Variants in PRKDC observed in about 807,000 individuals in gnomAD.
PRKDC encodes DNA-dependent protein kinase catalytic subunit.
In PRKDC, 82 loss-of-function variants were observed where a neutral mutation model predicts 486.9. The ratio of observed to expected loss-of-function variants is 0.17; its 90% CI spans 0.14 to 0.20. The LOEUF (loss-of-function observed/expected upper bound fraction) is 0.20. Among genes scored for constraint, PRKDC ranks in the 10% least tolerant of loss-of-function variants. The pLI is 1.00. For synonymous variants in PRKDC, 1,895 were observed against 1,837.0 expected, an observed-to-expected ratio of 1.03 and a Z score of -0.81; for missense variants, 4,504 against 5,038.2, an observed-to-expected ratio of 0.89 and a Z score of 3.21.
intron 58 of PRKDC, among the ~76,000 whole-genome samples, chr8:47,835,604 G>C (rs1462357852): frequency 9.5e-6 from 1 of 105,634 alleles, no homozygotes; most frequent in Admixed American, 1.5e-4. Flanking sequence ...CCTGGTGACA[G>C]AGCAGGACTC....
chr8:47,854,014 C>T, intron 51 of PRKDC, 69 bp downstream of exon 51: 1 of 1,565,030 alleles, frequency 6.4e-7, no homozygotes, highest in Non-Finnish European at 8.7e-7. Context: ...ATCAAAACTG[C>T]ACCATACTGA....
chr8:47,887,664 G>A lies in PRKDC; in HGVS notation c.4455C>T (p.Ser1485=), dbSNP rs906315600. 2.5e-6 allele frequency: 4 copies of A among 1,610,154 alleles called. No homozygotes were observed. The highest frequency in any genetic ancestry group is 3.4e-6 in the Non-Finnish European group (4 of 1,178,364). The change falls in exon 35 of 86, where the codon TCC becomes TCT. Residue 1485 remains serine (S), a synonymous_variant. Transcript: ENST00000314191. ...LHHSVGTELL[S]LVYKGIAPGD... ...CAGGGGCAATGCCTTTATAAACCAG[G>A]GAAAGAAGTTCTGTGCCAACAGAAT... is the stretch of plus-strand genomic sequence containing the variant.
intron 19 of PRKDC, among the ~76,000 whole-genome samples, chr8:47,928,865 T>C (rs988851069): frequency 2.0e-5 from 3 of 152,128 alleles, no homozygotes; most frequent in African/African-American, 7.2e-5. Context: ...CTAATTTTTG[T>C]ATTTTTAGTA....
intron 36 of PRKDC, among the ~76,000 whole-genome samples, chr8:47,883,322 T>C (rs1003629217): frequency 6.6e-6 from 1 of 152,226 alleles, no homozygotes; most frequent in African/African-American, 2.4e-5. Flanking sequence ...CTGCTTTTTC[T>C]CCAGTGGAAA....
chr8:47,914,109 T>C lies in PRKDC; in HGVS notation c.2618-45A>G, dbSNP rs774355184. The C allele has an allele frequency of 2.2e-6, 3 of 1,374,840 alleles. No homozygotes were observed. In the African/African-American group the frequency reaches 4.4e-5, roughly 20 times the overall value. The allele number at this position is 1,374,840 out of a possible 1,614,324, so 85.2% of individuals were successfully genotyped here. A position where few individuals can be genotyped will look rare whatever the true frequency, so the allele number is the denominator to read the frequency against. ...AAGAATGAAACACTTTTTTTCTTTT[T>C]ATTAGTGTCAGAATTATTCACAAAT... On this transcript the variant is annotated intron_variant, in intron 23 of 85. Coordinates refer to ENST00000314191, the MANE Select transcript of PRKDC (RefSeq NM_006904.7).
rs8178084 is a variant in PRKDC, at chr8:47,898,339, G to T, written c.3464+131C>A. ...ACGTTTTTGGAAAACGAACTCTTCA[G>T]ACTTCCACACATTCCTTGTTTAGGA... On this transcript the variant is annotated intron_variant, in intron 29 of 85. Coordinates refer to ENST00000314191, the MANE Select transcript of PRKDC (RefSeq NM_006904.7). 6.9e-3 allele frequency: 5,004 copies of T among 721,328 alleles called. 77 individuals are homozygous for T. Among genetic ancestry groups the T allele is most frequent in the African/African-American group, 0.04 (2,239 of 56,456 alleles). 44.7% of individuals were successfully genotyped at this position (721,328 alleles called of 1,614,324 possible). A position where few individuals can be genotyped will look rare whatever the true frequency, so the allele number is the denominator to read the frequency against.
intron 20 of PRKDC, 126 bp downstream of exon 20, chr8:47,927,645 C>A (rs1056773294): frequency 7.9e-7 from 1 of 1,259,986 alleles, no homozygotes; most frequent in Non-Finnish European, 1.1e-6. Context: ...CAGAAGCAGA[C>A]CCTGACCCGG....
At chr8:47,803,548 G>A in intron 69 of PRKDC, 68 bp from the exon 70 acceptor site, 1 of 1,470,460 alleles carries the variant, frequency 6.8e-7, no homozygotes, top group Non-Finnish European at 9.5e-7. Flanking sequence ...TTTCTAATTG[G>A]CCTGCTTCCC....
intron 63 of PRKDC, among the ~76,000 whole-genome samples, chr8:47,825,551 A>G (rs1009974899): frequency 2.6e-5 from 4 of 151,562 alleles, no homozygotes; most frequent in Non-Finnish European, 5.9e-5. Flanking sequence ...TATGTTCACA[A>G]TGCTCTGCAA....
At position 47,943,222 on chromosome 8, in the gene PRKDC, G is replaced by C. The variant is rs1347505951; in HGVS notation, c.953C>G (p.Ser318Cys). 4 of 1,612,054 alleles carry C rather than the reference G, an allele frequency of 2.5e-6. No homozygotes were observed. The East Asian group carries it at 6.7e-5, about 27-fold the overall frequency. ...LKKAALSALE[S>C]FLKQVSNMVA... ...AATTTGTGGTACCTGTTTCAGAAAG[G>C]ATTCCAGGGCTGAAAGTGCAGCTTT... Residue 318 changes from serine to cysteine, a missense_variant, in exon 10 of 86, where the codon TCC (serine) becomes TGC (cysteine). Transcript: ENST00000314191.
At chr8:47,892,019 G>A (rs897948406) in intron 31 of PRKDC, among the ~76,000 whole-genome samples, 1 of 151,932 alleles carries the variant, frequency 6.6e-6, no homozygotes, top group Non-Finnish European at 1.5e-5. Flanking sequence ...ACAGGGACCT[G>A]CCACCATGCC....
At chr8:47,830,818 AT>A in intron 60 of PRKDC, 82 bp from the exon 61 acceptor site, 2 of 1,569,928 alleles carry the variant, frequency 1.3e-6, no homozygotes, top group Non-Finnish European at 1.7e-6. Context: ...GGCTGCCAGG[AT>A]CCCCTGAACC....
At position 47,794,317 on chromosome 8, in the gene PRKDC, C is replaced by T; in HGVS notation, c.10643G>A (p.Gly3548Asp). The T allele has an allele frequency of 6.2e-7, 1 of 1,612,958 alleles. No individual in the cohort carries two copies. The highest frequency in any genetic ancestry group is 8.5e-7 in the Non-Finnish European group (1 of 1,179,346). ...ESYSFKDTST[G>D]HKNKEFVARI... Reference sequence around the variant, plus strand: ...TGCCACAAACTCCTTATTCTTATGACCAGTAGAAGTATCCTTGAAGGAATA... The same window carrying T: ...TGCCACAAACTCCTTATTCTTATGATCAGTAGAAGTATCCTTGAAGGAATA... The change falls in exon 74 of 86, where the codon GGT becomes GAT. Residue 3548 changes from glycine to aspartate, a missense_variant. Transcript: ENST00000314191.
At chr8:47,804,700 T>C (rs187416912) in intron 69 of PRKDC, among the ~76,000 whole-genome samples, 2 of 152,298 alleles carry the variant, frequency 1.3e-5, no homozygotes, top group African/African-American at 4.8e-5. Context: ...AGCTTAAGCT[T>C]TTGTTTCTCA....
chr8:47,838,004 C>T lies in PRKDC; in HGVS notation c.7554-585G>A, dbSNP rs2088064802. On this transcript the variant is annotated intron_variant, in intron 56 of 85. Coordinates refer to ENST00000314191, the MANE Select transcript of PRKDC (RefSeq NM_006904.7). Reference sequence around the variant, plus strand: ...TACAAAAATTAGCTGGGCATGGTGGCACCCACCTGTAGTCCCAGCTACTCG... The same window carrying T: ...TACAAAAATTAGCTGGGCATGGTGGTACCCACCTGTAGTCCCAGCTACTCG... Among the ~76,000 whole-genome samples the T allele has an allele frequency of 2.0e-5, 3 of 152,004 alleles. No individual in the cohort carries two copies. In the South Asian group the frequency reaches 6.2e-4, roughly 32 times the overall value.
rs185289538 is a variant in PRKDC, at chr8:47,906,964, T to A, written c.2935-1988A>T. 2.9e-3 allele frequency among the ~76,000 whole-genome samples: 441 copies of A among 151,538 alleles called. 3 individuals carry two copies. The highest frequency in any genetic ancestry group is 0.01 in the African/African-American group (432 of 41,514). On this transcript the variant is annotated intron_variant, in intron 25 of 85. Transcript: ENST00000314191. ...AAGCAATTTTTAAAATTAATCAATA[T>A]AAAAGGGTCTTAACTTTCAGTTTGA...
intron 15 of PRKDC, 81 bp from the exon 16 acceptor site, chr8:47,933,253 C>G: frequency 9.0e-7 from 1 of 1,105,664 alleles, no homozygotes; most frequent in East Asian, 3.1e-5. Flanking sequence ...GACACATACA[C>G]AGATGTATGT....
At chr8:47,864,828 C>T in intron 40 of PRKDC, 65 bp from the exon 41 acceptor site, 1 of 1,331,096 alleles carries the variant, frequency 7.5e-7, no homozygotes, top group South Asian at 1.6e-5. Flanking sequence ...TGAGTGCCTA[C>T]TACATAACAG....
intron 76 of PRKDC, 91 bp from the exon 77 acceptor site, chr8:47,785,408 T>C: frequency 1.0e-6 from 1 of 988,704 alleles, no homozygotes; most frequent in Non-Finnish European, 1.5e-6. Flanking sequence ...AATGGAGTGC[T>C]CAATGGTATA....
Sources: allele counts gnomAD v4.1 joint callset (sites outside exome capture counted in the v4.1 genomes callset), GRCh38; gene constraint gnomAD v4.1.1; transcripts MANE v1.5; gene names NCBI Gene and HGNC (gene_info 2026-07-23, HGNC 2026-07-21).